The following TMCC1 variants were observed in gnomAD, a reference collection of about 807,000 sequenced individuals.
The protein encoded by TMCC1 is transmembrane and coiled-coil domains protein 1.
TMCC1 carries 15 observed loss-of-function variants against 52.4 expected under a neutral mutation model. The observed-to-expected ratio is 0.29, with a 90% CI of 0.19 to 0.44. The LOEUF (loss-of-function observed/expected upper bound fraction) is 0.44, where lower values mean the gene tolerates loss of function less well. Among genes scored for constraint, TMCC1 ranks in the 20% least tolerant of loss-of-function variants. The pLI, the probability that TMCC1 is intolerant of heterozygous loss-of-function variation, is 1.00. For missense variants in TMCC1, 503 were observed against 806.0 expected (o/e 0.62, Z 4.55); for synonymous variants, 279 against 301.9 (o/e 0.92, Z 0.79).
At chr3:129,652,139 T>TA (rs1179507933) in intron 6 of TMCC1, among the ~76,000 whole-genome samples, 1 of 152,220 alleles carries the variant, frequency 6.6e-6, no homozygotes, top group African/African-American at 2.4e-5. Context: ...TTGTTCAACA[T>TA]AAAAAATTTC....
At chr3:129,871,396 T>G (rs993839341) in intron 2 of TMCC1, among the ~76,000 whole-genome samples, 7 of 147,400 alleles carry the variant, frequency 4.7e-5, no homozygotes, top group Non-Finnish European at 1.0e-4. Flanking sequence ...AAGAATAGGA[T>G]CTTACATTTC....
At chr3:129,763,178 A>G (rs2053756942) in intron 4 of TMCC1, among the ~76,000 whole-genome samples, 1 of 149,622 alleles carries the variant, frequency 6.7e-6, no homozygotes, top group South Asian at 2.1e-4. Context: ...AGCCTGGGTG[A>G]CAGAGCAAGA....
chr3:129,673,842 AAT>A (rs2088172640), intron 4 of TMCC1, among the ~76,000 whole-genome samples: 1 of 152,044 alleles, frequency 6.6e-6, no homozygotes. Context: ...AAAAAAAAAA[AAT>A]CTCTACACTA....
chr3:129,801,189 C>T (rs1010890720), intron 4 of TMCC1, among the ~76,000 whole-genome samples: 1 of 151,948 alleles, frequency 6.6e-6, no homozygotes, highest in Admixed American at 6.6e-5. Context: ...TCCCAAAGTG[C>T]TTGCTAGGAT....
At chr3:129,825,040 G>A (rs2058596176) in intron 4 of TMCC1, among the ~76,000 whole-genome samples, 1 of 152,040 alleles carries the variant, frequency 6.6e-6, no homozygotes, top group Non-Finnish European at 1.5e-5. Flanking sequence ...ATGACTTCCT[G>A]TACTAATTAA....
At chr3:129,830,462 TTTCTCA>T (rs1200972862) in intron 3 of TMCC1, among the ~76,000 whole-genome samples, 1 of 152,156 alleles carries the variant, frequency 6.6e-6, no homozygotes, top group African/African-American at 2.4e-5. Context: ...AAGAATTGAG[TTTCTCA>T]GAGGAAAAGG....
At chr3:129,753,845 C>G (rs1054609233) in intron 4 of TMCC1, among the ~76,000 whole-genome samples, 31 of 149,922 alleles carry the variant, frequency 2.1e-4, no homozygotes, top group African/African-American at 7.6e-4. Context: ...CTAACTGGTG[C>G]AATAAGGCAG....
intron 4 of TMCC1, among the ~76,000 whole-genome samples, chr3:129,690,395 T>A (rs572400072): frequency 1.3e-5 from 2 of 152,334 alleles, no homozygotes; most frequent in East Asian, 3.9e-4. Flanking sequence ...GACTGCATAT[T>A]CTTCCCTGGG....
chr3:129,781,122 A>G (rs1289597431), intron 4 of TMCC1, among the ~76,000 whole-genome samples: 1 of 152,084 alleles, frequency 6.6e-6, no homozygotes, highest in African/African-American at 2.4e-5. Context: ...TCTTCTATTA[A>G]AGAACACGGG....
intron 4 of TMCC1, chr3:129,688,701 C>T (rs563068818): frequency 1.2e-5 from 12 of 985,468 alleles, no homozygotes; most frequent in Middle Eastern, 5.2e-4. Context: ...TGTGTGCGCG[C>T]GCACGCAGTT....
chr3:129,790,782 C>T (rs2056397790), intron 4 of TMCC1, among the ~76,000 whole-genome samples: 1 of 152,162 alleles, frequency 6.6e-6, no homozygotes, highest in African/African-American at 2.4e-5. Context: ...TAAAGTTTCA[C>T]AACTGCATGT....
chr3:129,843,584 A>G (rs1438296989), intron 2 of TMCC1, among the ~76,000 whole-genome samples: 1 of 152,146 alleles, frequency 6.6e-6, no homozygotes, highest in Non-Finnish European at 1.5e-5. Flanking sequence ...AAAGAATAAT[A>G]AAAGATATTA....
At chr3:129,723,976 G>T (rs528473109) in intron 4 of TMCC1, among the ~76,000 whole-genome samples, 3 of 150,232 alleles carry the variant, frequency 2.0e-5, no homozygotes, top group Non-Finnish European at 4.4e-5. Context: ...TTTCCGAGGA[G>T]AGTGAGGGCT....
chr3:129,681,624 G>A (rs1048196371), intron 4 of TMCC1, among the ~76,000 whole-genome samples: 2 of 151,806 alleles, frequency 1.3e-5, no homozygotes, highest in Non-Finnish European at 2.9e-5. Context: ...TGAGGAAGAG[G>A]AGACCAGGTG....
At chr3:129,742,714 T>C (rs538866808) in intron 4 of TMCC1, among the ~76,000 whole-genome samples, 10 of 152,158 alleles carry the variant, frequency 6.6e-5, no homozygotes, top group Non-Finnish European at 1.3e-4. Flanking sequence ...TCCACAGATA[T>C]TCACAGCAGC....
intron 4 of TMCC1, among the ~76,000 whole-genome samples, chr3:129,678,577 G>A (rs182532627): frequency 6.6e-6 from 1 of 151,014 alleles, no homozygotes; most frequent in East Asian, 2.0e-4. Context: ...GGCCAGGCTG[G>A]TCTTAAACTC....
chr3:129,729,569 T>C (rs936877728), intron 4 of TMCC1, among the ~76,000 whole-genome samples: 1 of 152,210 alleles, frequency 6.6e-6, no homozygotes, highest in African/African-American at 2.4e-5. Flanking sequence ...CTCACATGTA[T>C]AATCCCAGCA....
chr3:129,715,608 C>A (rs540695037), intron 4 of TMCC1, among the ~76,000 whole-genome samples: 1 of 152,136 alleles, frequency 6.6e-6, no homozygotes. Context: ...AAATTTAAGT[C>A]CAAGTAAGCC....
intron 2 of TMCC1, among the ~76,000 whole-genome samples, chr3:129,835,500 A>C (rs1033293749): frequency 1.1e-4 from 16 of 152,322 alleles, no homozygotes; most frequent in African/African-American, 3.6e-4. Context: ...TTTAATTATT[A>C]AAGCAATAAT....
Sources: gnomAD v4.1 joint callset for allele counts (sites outside exome capture counted in the v4.1 genomes callset) on GRCh38, gnomAD v4.1.1 for gene constraint, MANE v1.5 for transcripts, NCBI Gene and HGNC (gene_info 2026-07-23, HGNC 2026-07-21) for gene names.